The following TRPM4 variants were observed in gnomAD, a reference collection of about 807,000 sequenced individuals.
TRPM4 encodes the protein calcium-activated non-selective cation channel 1.
A neutral mutation model predicts 135.6 loss-of-function variants in TRPM4; 124 were observed. That is an observed-to-expected ratio of 0.91 (90% confidence interval 0.79 to 1.06). TRPM4 has a LOEUF of 1.06. Among genes scored for constraint, TRPM4 ranks in the 50% least tolerant of loss-of-function variants. The pLI is 0.00. For missense variants in TRPM4, 1,658 were observed against 1,671.4 expected (o/e 0.99, Z 0.14); for synonymous variants, 745 against 705.6 (o/e 1.06, Z -0.88).
intron 20 of TRPM4, among the ~76,000 whole-genome samples, chr19:49,204,108 A>G (rs1969057019): frequency 6.6e-6 from 1 of 152,216 alleles, no homozygotes; most frequent in Non-Finnish European, 1.5e-5. Flanking sequence ...CAACAGAGCG[A>G]GACTCCATCT....
chr19:49,181,827 C>T (rs962020933), intron 10 of TRPM4, among the ~76,000 whole-genome samples: 5 of 152,136 alleles, frequency 3.3e-5, no homozygotes, highest in Admixed American at 1.3e-4. Context: ...CCACCGCACC[C>T]GGCCTCTCTG....
chr19:49,177,263 G>A (rs929166570), intron 9 of TRPM4, among the ~76,000 whole-genome samples: 1 of 151,946 alleles, frequency 6.6e-6, no homozygotes, highest in Non-Finnish European at 1.5e-5. Flanking sequence ...TGGCTGATAG[G>A]CTTGGGGATA....
At chr19:49,169,129 G>A (rs931041752) in intron 6 of TRPM4, among the ~76,000 whole-genome samples, 3 of 151,260 alleles carry the variant, frequency 2.0e-5, no homozygotes, top group African/African-American at 7.3e-5. Context: ...GAACCCGGGA[G>A]GTGGAGGTTG....
At chr19:49,185,356 C>A (rs971978557) in intron 12 of TRPM4, among the ~76,000 whole-genome samples, 51 of 152,276 alleles carry the variant, frequency 3.3e-4, no homozygotes, top group African/African-American at 1.2e-3. Flanking sequence ...TCAAGCAATC[C>A]TCCCACCTCA....
intron 16 of TRPM4, among the ~76,000 whole-genome samples, chr19:49,191,744 C>T (rs965794615): frequency 2.3e-4 from 35 of 152,038 alleles, no homozygotes; most frequent in East Asian, 1.2e-3. Flanking sequence ...GTGATCCGCC[C>T]GCCTCAGCCT....
intron 16 of TRPM4, 21 bp from the exon 17 acceptor site, chr19:49,196,419 T>C: frequency 6.6e-7 from 1 of 1,523,772 alleles, no homozygotes; most frequent in Non-Finnish European, 8.8e-7. Context: ...GCCTCCTCCC[T>C]TCTCTTCTCT....
At position 49,188,714 on chromosome 19, in the gene TRPM4, C is replaced by G. The variant is rs771088249; in HGVS notation, c.1817C>G (p.Ala606Gly). Residue 606 changes from alanine to glycine, a missense_variant, in exon 13 of 25, where the codon GCT (alanine) becomes GGT (glycine). By Grantham distance (60) the Ala-to-Gly change is moderately conservative. Coordinates refer to ENST00000252826, the MANE Select transcript of TRPM4 (RefSeq NM_017636.4). ...GTGATGGCACGCCTGGAGCCTGACG[C>G]TGAGGAGGCAGCACGGAGGAAAGAC... ...LRVMARLEPD[A>G]EEAARRKDLA... 129 of 1,614,088 alleles carry G rather than the reference C, an allele frequency of 8.0e-5. No individual in the cohort carries two copies. The highest frequency in any genetic ancestry group is 1.0e-4 in the Non-Finnish European group (119 of 1,180,054).
intron 12 of TRPM4, 24 bp downstream of exon 12, chr19:49,183,236 G>A (rs751820708): frequency 8.7e-6 from 14 of 1,613,794 alleles, no homozygotes; most frequent in Non-Finnish European, 1.2e-5. Context: ...TGGCGCTCCT[G>A]CATCCCTGTC....
In TRPM4 at chr19:49,189,003, G is replaced by A. The variant is rs1314486531; in HGVS notation, c.1931G>A (p.Arg644His). The A allele has an allele frequency of 1.2e-6, 2 of 1,614,126 alleles. No homozygotes were observed. The highest frequency in any genetic ancestry group is 1.1e-5 in the South Asian group (1 of 91,084). Residue 644 changes from arginine (R) to histidine (H), a missense_variant, in exon 14 of 25, where the codon CGT (arginine) becomes CAT (histidine). By Grantham distance (29) the Arg-to-His change is conservative. Around this residue, in one of 3 missense-constraint regions of TRPM4, gnomAD observed 1,412 missense variants for 1,408.7 expected, o/e 1.00. Transcript: ENST00000252826. ...GTGAGGGCTGCCCGCCTCCTCCTCC[G>A]TCGCTGCCCGCTCTGGGGGGATGCC... The part of the protein sequence containing the change: ...SEVRAARLLL[R>H]RCPLWGDATC...
chr19:49,205,098 A>G (rs1054400570), intron 20 of TRPM4, among the ~76,000 whole-genome samples: 77 of 149,902 alleles, frequency 5.1e-4, no homozygotes, highest in African/African-American at 1.9e-3. Flanking sequence ...CTGGGATTAT[A>G]GGCACAAGCC....
intron 2 of TRPM4, among the ~76,000 whole-genome samples, chr19:49,163,220 G>A (rs1412261589): frequency 2.0e-5 from 3 of 148,556 alleles, no homozygotes; most frequent in Non-Finnish European, 3.0e-5. Flanking sequence ...TTTTGAGGCA[G>A]AGTCTCATTC....
chr19:49,177,175 C>T (rs1003864971), intron 9 of TRPM4, among the ~76,000 whole-genome samples: 1 of 151,932 alleles, frequency 6.6e-6, no homozygotes, highest in East Asian at 1.9e-4. Context: ...GGCAGCTCTG[C>T]AAGATGTGGT....
Position 49,190,239 on chromosome 19 carries a change from T to C in TRPM4, c.2051T>C (p.Met684Thr), listed in dbSNP as rs753631039. The C allele has an allele frequency of 1.2e-6, 2 of 1,614,162 alleles. No individual in the cohort carries two copies. Among genetic ancestry groups the C allele is most frequent in the African/African-American group, 1.3e-5 (1 of 75,038 alleles). ...CTGACACAGAAGTGGTGGGGAGATATGGCCAGCACTACACCCATCTGGGCC... is the reference window on the plus strand; with the variant it reads ...CTGACACAGAAGTGGTGGGGAGATACGGCCAGCACTACACCCATCTGGGCC... ...SLLTQKWWGD[M>T]ASTTPIWALV... The change falls in exon 15 of 25, where the codon ATG becomes ACG. Residue 684 changes from methionine (M) to threonine (T), a missense_variant. This residue lies in a region of TRPM4 where 1,412 missense variants were observed against 1,408.7 expected (regional missense o/e 1.00). Coordinates refer to ENST00000252826, the MANE Select transcript of TRPM4 (RefSeq NM_017636.4).
intron 20 of TRPM4, among the ~76,000 whole-genome samples, chr19:49,207,528 GC>G: frequency 6.7e-6 from 1 of 148,486 alleles, no homozygotes; most frequent in African/African-American, 2.6e-5. Flanking sequence ...TACTCAAGAG[GC>G]TGAGGTGGGA....
At chr19:49,168,491 G>A (rs1967320950) in intron 5 of TRPM4, 62 bp from the exon 6 acceptor site, 1 of 1,613,660 alleles carries the variant, frequency 6.2e-7, no homozygotes, top group Non-Finnish European at 8.5e-7. Flanking sequence ...AGGAGGAGGG[G>A]CTCGTGTTTG....
chr19:49,201,333 T>G (rs2145971413), intron 19 of TRPM4, among the ~76,000 whole-genome samples: 1 of 152,268 alleles, frequency 6.6e-6, no homozygotes, highest in South Asian at 2.1e-4. Context: ...AGGAAGTAAC[T>G]TGTGGAATGT....
At chr19:49,197,378 T>C (rs1411676380) in intron 17 of TRPM4, among the ~76,000 whole-genome samples, 1 of 143,762 alleles carries the variant, frequency 7.0e-6, no homozygotes, top group Non-Finnish European at 1.6e-5. Context: ...CTCTTTCTTT[T>C]CTTTCTTTCT....
intron 16 of TRPM4, among the ~76,000 whole-genome samples, chr19:49,192,504 A>G (rs1196471020): frequency 6.6e-6 from 1 of 152,212 alleles, no homozygotes; most frequent in African/African-American, 2.4e-5. Flanking sequence ...AGCCATAAAA[A>G]AGAACGAGAT....
intron 9 of TRPM4, among the ~76,000 whole-genome samples, chr19:49,179,550 G>A (rs981202656): frequency 6.0e-5 from 9 of 150,022 alleles, no homozygotes; most frequent in South Asian, 4.2e-4. Context: ...GGGTTTCACC[G>A]TGTTACCCAG....
Sources: allele counts gnomAD v4.1 joint callset (sites outside exome capture counted in the v4.1 genomes callset), GRCh38; gene constraint gnomAD v4.1.1; regional missense constraint gnomAD v4.1.1; transcripts MANE v1.5; gene names NCBI Gene and HGNC (gene_info 2026-07-23, HGNC 2026-07-21).